TJP2: variants seen among roughly 807,000 people sequenced by gnomAD.
TJP2 encodes tight junction protein 2, also known as Friedreich ataxia region gene X104 (tight junction protein ZO-2).
Under a neutral mutation model 133.1 loss-of-function variants are expected in TJP2, and 91 were observed. The ratio of observed to expected loss-of-function variants is 0.68; its 90% CI spans 0.58 to 0.81. The LOEUF is 0.81. Ranked by LOEUF, TJP2 falls within the 40% of genes least tolerant of loss-of-function variation. The pLI is 0.00. For missense variants in TJP2, 1,541 were observed against 1,565.6 expected (o/e 0.98, Z 0.26); for synonymous variants, 592 against 583.4 (o/e 1.01, Z -0.21).
In TJP2 at chr9:69,252,818, G is replaced by A. The variant is rs1225374015; in HGVS notation, c.3325G>A (p.Glu1109Lys). Residue 1109 changes from glutamate (E) to lysine (K), a missense_variant, in exon 22 of 23, where the codon GAA (glutamate) becomes AAA (lysine). Physicochemically the swap from Glu to Lys is moderately conservative, Grantham distance 56. Transcript: ENST00000377245. The stretch of plus-strand genomic sequence containing the variant: ...TTTTCTTTTTTAATTACCACAGATC[G>A]AAATTGCCCAGAAGCATCCTGATAT... ...ELQEAQNARI[E>K]IAQKHPDIYA... is the part of the protein sequence containing the mutation. The A allele has an allele frequency of 3.7e-6, 6 of 1,614,066 alleles. No individual in the cohort carries two copies. Among genetic ancestry groups the A allele is most frequent in the Admixed American group, 3.3e-5 (2 of 60,006 alleles).
intron 7 of TJP2, 44 bp downstream of exon 7, chr9:69,226,219 G>C (rs764324362): frequency 4.4e-6 from 7 of 1,599,292 alleles, no homozygotes; most frequent in Non-Finnish European, 5.1e-6. Context: ...AGTAAGGAAG[G>C]CTGTTGCTTC....
intron 1 of TJP2, among the ~76,000 whole-genome samples, chr9:69,177,677 C>A (rs1825198669): frequency 6.6e-6 from 1 of 151,580 alleles, no homozygotes; most frequent in Admixed American, 6.6e-5. Flanking sequence ...TGGAGTCTTG[C>A]TCTGTTGCCC....
At chr9:69,163,843 T>A (rs1218314330) in intron 2 of TJP2, among the ~76,000 whole-genome samples, 1 of 152,202 alleles carries the variant, frequency 6.6e-6, no homozygotes, top group Non-Finnish European at 1.5e-5. Context: ...TCTTTCTGTC[T>A]TGTGTCAGAG....
Position 69,218,318 on chromosome 9 carries a change from G to T in TJP2, c.301G>T (p.Ala101Ser). Reference sequence around the variant, plus strand: ...CATGGAGGATGTGCTTCATTCGTTTGCAGTTCAGCAGCTCAGAAAAAGTGG... The same window carrying T: ...CATGGAGGATGTGCTTCATTCGTTTTCAGTTCAGCAGCTCAGAAAAAGTGG... The part of the protein sequence containing the change: ...TPMEDVLHSF[A>S]VQQLRKSGKV... Residue 101 changes from alanine to serine, a missense_variant, in exon 4 of 23, where the codon GCA becomes TCA. Coordinates refer to ENST00000377245, the MANE Select transcript of TJP2 (RefSeq NM_004817.4). 6.2e-7 allele frequency: 1 copy of T among 1,614,210 alleles called. No individual in the cohort carries two copies. The highest frequency in any genetic ancestry group is 1.1e-5 in the South Asian group (1 of 91,080).
rs762188246 is a variant in TJP2 at position 69,177,151 on chromosome 9, T to G, written c.60+2719T>G. On this transcript the variant is annotated intron_variant, in intron 1 of 22. Transcript: ENST00000377245. ...AGCTGATTCCCAATAACATGCCTCA[T>G]TGATTTGACTCTAAGCAGTAATCAG... 3.4e-4 allele frequency among the ~76,000 whole-genome samples: 52 copies of G among 152,340 alleles called. 2 individuals carry two copies. Among genetic ancestry groups the G allele is most frequent in the Middle Eastern group, 3.4e-3 (1 of 294 alleles).
intron 2 of TJP2, among the ~76,000 whole-genome samples, chr9:69,155,130 A>G (rs1210947842): frequency 6.6e-6 from 1 of 151,170 alleles, no homozygotes; most frequent in Non-Finnish European, 1.5e-5. Context: ...AGGCAGGAGA[A>G]TCACTTGAAC....
rs112634705 is a variant in TJP2 at position 69,195,771 on chromosome 9, A to T, written c.61-16777A>T. On this transcript the variant is annotated intron_variant, in intron 1 of 22. Coordinates refer to ENST00000377245, the MANE Select transcript of TJP2 (RefSeq NM_004817.4). ...CTGACTGTTCAAACAGCCAGAAATA[A>T]AATCCGACTCGACTCCCTTTCTGCA... 1.1e-3 allele frequency among the ~76,000 whole-genome samples: 173 copies of T among 152,304 alleles called. 2 individuals are homozygous for T. Among genetic ancestry groups the T allele is most frequent in the African/African-American group, 4.1e-3 (169 of 41,560 alleles).
intron 1 of TJP2, among the ~76,000 whole-genome samples, chr9:69,199,103 G>A (rs1826803365): frequency 6.6e-6 from 1 of 152,174 alleles, no homozygotes; most frequent in African/African-American, 2.4e-5. Flanking sequence ...TTTCCTGGGG[G>A]CAGGTGGGGA....
At chr9:69,227,212 G>A (rs887276680) in intron 7 of TJP2, among the ~76,000 whole-genome samples, 1 of 152,052 alleles carries the variant, frequency 6.6e-6, no homozygotes, top group East Asian at 1.9e-4. Context: ...TGACTGTTAC[G>A]GGTGCAGTGC....
At chr9:69,169,372 G>GC (rs1041511687), upstream of TJP2, among the ~76,000 whole-genome samples, 3 of 147,698 alleles carry the variant, frequency 2.0e-5, no homozygotes, top group Non-Finnish European at 4.5e-5. Flanking sequence ...TTTTTTTTGG[G>GC]GGGGGGATGG....
At chr9:69,149,331 C>T (rs536740183) in intron 1 of TJP2, among the ~76,000 whole-genome samples, 7 of 152,320 alleles carry the variant, frequency 4.6e-5, no homozygotes, top group Admixed American at 1.3e-4. Context: ...AAAAGCATAA[C>T]TAAGTACCTC....
In TJP2 at chr9:69,150,618, A is replaced by G. The variant is rs141978532; in HGVS notation, c.-130-1033A>G. Among the ~76,000 whole-genome samples the G allele has an allele frequency of 3.7e-3, 569 of 152,114 alleles. 3 individuals are homozygous for G. Among genetic ancestry groups the G allele is most frequent in the African/African-American group, 0.013 (540 of 41,480 alleles). On this transcript the variant is annotated intron_variant, in intron 1 of 5. Transcript: ENST00000423935. ...CAGCCTAAAATATTTTGTTCTAGCTATTTTCTCACCCGCTGATATTTGTTT... is the reference window on the plus strand; with the variant it reads ...CAGCCTAAAATATTTTGTTCTAGCTGTTTTCTCACCCGCTGATATTTGTTT...
intron 1 of TJP2, among the ~76,000 whole-genome samples, chr9:69,178,640 T>C (rs1825268621): frequency 6.6e-6 from 1 of 152,230 alleles, no homozygotes; most frequent in Admixed American, 6.5e-5. Context: ...TGCATCCTGC[T>C]CTTATCCACT....
intron 2 of TJP2, among the ~76,000 whole-genome samples, chr9:69,162,300 A>G (rs1346489472): frequency 3.3e-5 from 5 of 151,642 alleles, no homozygotes; most frequent in African/African-American, 9.7e-5. Context: ...CTTTGTATGT[A>G]TAAGTAAAAC....
chr9:69,176,242 C>A (rs1216757740), intron 1 of TJP2, among the ~76,000 whole-genome samples: 3 of 152,160 alleles, frequency 2.0e-5, no homozygotes, highest in Non-Finnish European at 4.4e-5. Flanking sequence ...GCCAGTAATG[C>A]GCCCACCTCA....
rs777926597 is a variant in TJP2, at chr9:69,221,031, A to C, written c.487A>C (p.Ser163Arg). The C allele has an allele frequency of 6.2e-7, 1 of 1,609,246 alleles. No homozygotes were observed. The highest frequency in any genetic ancestry group is 8.5e-7 in the Non-Finnish European group (1 of 1,178,478). ...CTACAGCGAGAGGAGCCGGCTGAACAGCCATGGGGGGCGCAGCCGCAGCTG... is the reference window on the plus strand; with the variant it reads ...CTACAGCGAGAGGAGCCGGCTGAACCGCCATGGGGGGCGCAGCCGCAGCTG... ...SGYSERSRLNSHGGRSRSWED... is the reference protein window; with the variant it reads ...SGYSERSRLNRHGGRSRSWED... Residue 163 changes from serine (S) to arginine (R), a missense_variant, in exon 5 of 23, where the codon AGC (serine) becomes CGC (arginine). Coordinates refer to ENST00000377245, the MANE Select transcript of TJP2 (RefSeq NM_004817.4).
At chr9:69,240,559 T>G (rs1333107246) in intron 17 of TJP2, among the ~76,000 whole-genome samples, 1 of 152,210 alleles carries the variant, frequency 6.6e-6, no homozygotes, top group Non-Finnish European at 1.5e-5. Context: ...CTGTCCAGCA[T>G]GGTGGATAAC....
chr9:69,180,276 A>G (rs1307509928), intron 1 of TJP2, among the ~76,000 whole-genome samples: 1 of 152,132 alleles, frequency 6.6e-6, no homozygotes, highest in Non-Finnish European at 1.5e-5. Flanking sequence ...TGCCTTTGCC[A>G]TCGTATTAAA....
At chr9:69,156,292 A>T (rs1407717976) in intron 2 of TJP2, among the ~76,000 whole-genome samples, 2 of 152,142 alleles carry the variant, frequency 1.3e-5, no homozygotes, top group East Asian at 3.9e-4. Flanking sequence ...TGAACCTGGG[A>T]GGCAGAGGTT....
Sources: gnomAD v4.1 joint callset for allele counts (sites outside exome capture counted in the v4.1 genomes callset) on GRCh38, gnomAD v4.1.1 for gene constraint, MANE v1.5 for transcripts, NCBI Gene and HGNC (gene_info 2026-07-23, HGNC 2026-07-21) for gene names.